The following DHRSX variants were observed in gnomAD, a reference collection of about 807,000 sequenced individuals.
DHRSX encodes dehydrogenase/reductase X-linked, also known as polyprenol dehydrogenase.
Under a neutral mutation model 34.0 loss-of-function variants are expected in DHRSX, and 31 were observed. The ratio of observed to expected loss-of-function variants is 0.91; its 90% CI spans 0.69 to 1.23. The LOEUF is 1.23. Ranked by LOEUF, DHRSX falls within the 50% of genes most tolerant of loss-of-function variation. DHRSX has a pLI of 0.00. For synonymous variants in DHRSX, 201 were observed against 183.8 expected, an observed-to-expected ratio of 1.09 and a Z score of -0.76; for missense variants, 414 against 428.1, an observed-to-expected ratio of 0.97 and a Z score of 0.29.
At chrX:2,484,365 T>C (rs1436483989) in intron 1 of DHRSX, among the ~76,000 whole-genome samples, 6 of 152,074 alleles carry the variant, frequency 3.9e-5, no homozygotes, top group Admixed American at 3.3e-4. Flanking sequence ...CTCTGACCCC[T>C]TAAAGTTGAC....
At chrX:2,453,883 G>A (rs2044260605) in intron 1 of DHRSX, among the ~76,000 whole-genome samples, 1 of 152,008 alleles carries the variant, frequency 6.6e-6, no homozygotes. Flanking sequence ...TAGCTTGATT[G>A]TTAATATGTT....
chrX:2,458,615 T>A (rs377586119), intron 1 of DHRSX, among the ~76,000 whole-genome samples: 61 of 151,910 alleles, frequency 4.0e-4, no homozygotes, highest in African/African-American at 1.5e-3. Context: ...ATAGGTAGAA[T>A]CTAAAAAAGC....
At chrX:2,474,884 A>G (rs957185650) in intron 1 of DHRSX, among the ~76,000 whole-genome samples, 3 of 149,286 alleles carry the variant, frequency 2.0e-5, no homozygotes, top group Non-Finnish European at 4.5e-5. Flanking sequence ...GTTCCCTAAG[A>G]ATGCGGCCAA....
At chrX:2,294,076 G>GAGAA in intron 3 of DHRSX, among the ~76,000 whole-genome samples, 1 of 151,940 alleles carries the variant, frequency 6.6e-6, no homozygotes, top group East Asian at 1.9e-4. Context: ...GAGAGAAAGA[G>GAGAA]AGAAAGAAAG....
intron 2 of DHRSX, among the ~76,000 whole-genome samples, chrX:2,423,920 T>C (rs1264006295): frequency 1.3e-5 from 2 of 152,198 alleles, no homozygotes; most frequent in African/African-American, 4.8e-5. Flanking sequence ...CTATAGGTCA[T>C]GGTTGCAGAA....
At chrX:2,371,804 T>A (rs2043076258) in intron 3 of DHRSX, among the ~76,000 whole-genome samples, 1 of 152,132 alleles carries the variant, frequency 6.6e-6, no homozygotes, top group Non-Finnish European at 1.5e-5. Context: ...TCTGTGGGAA[T>A]GATCTTTTCA....
chrX:2,290,396 T>C (rs1208556877), intron 4 of DHRSX, among the ~76,000 whole-genome samples: 1 of 152,184 alleles, frequency 6.6e-6, no homozygotes, highest in East Asian at 1.9e-4. Flanking sequence ...CTTACAGACA[T>C]GTCCATATCC....
intron 2 of DHRSX, among the ~76,000 whole-genome samples, chrX:2,414,295 C>T (rs1010347743): frequency 2.6e-5 from 4 of 151,966 alleles, no homozygotes; most frequent in African/African-American, 4.8e-5. Flanking sequence ...TTCATTATGA[C>T]CTAATACAAC....
chrX:2,239,396 C>A (rs2016087618), intron 6 of DHRSX, among the ~76,000 whole-genome samples: 1 of 129,124 alleles, frequency 7.7e-6, no homozygotes, highest in Non-Finnish European at 1.8e-5. Context: ...CAGCAAGATG[C>A]CGTTTCTACA....
rs757026009 is a variant in DHRSX, at chrX:2,266,666, G to A, written c.596+74C>T. Reference sequence around the variant, plus strand: ...CAGCAGATGCAGGGAGCGCCACACCGCACAGACAGAGGGAGATGAATAACC... The same window carrying A: ...CAGCAGATGCAGGGAGCGCCACACCACACAGACAGAGGGAGATGAATAACC... On this transcript the variant is annotated intron_variant, in intron 5 of 6. Transcript: ENST00000334651. 31 of 1,443,340 alleles carry A rather than the reference G, an allele frequency of 2.1e-5. No homozygotes were observed. The Admixed American group carries it at 2.2e-4, about 10-fold the overall frequency. 89.4% of individuals were successfully genotyped at this position (1,443,340 alleles called of 1,614,324 possible).
intron 3 of DHRSX, among the ~76,000 whole-genome samples, chrX:2,372,954 T>A (rs777926892): frequency 8.3e-4 from 126 of 152,172 alleles, no homozygotes; most frequent in Middle Eastern, 3.4e-3. Flanking sequence ...CGGCTCTACT[T>A]TGCATCTGTA....
intron 5 of DHRSX, among the ~76,000 whole-genome samples, chrX:2,264,716 GTGTGCCCAGAACACC>G (rs1442304029): frequency 1.5e-3 from 207 of 135,080 alleles, no homozygotes; most frequent in African/African-American, 5.3e-3. Flanking sequence ...ACAGAGAGCA[GTGTGCCCAGAACACC>G]TGTGCCCAGC....
chrX:2,359,201 A>C (rs1181335202), intron 3 of DHRSX, among the ~76,000 whole-genome samples: 2 of 152,196 alleles, frequency 1.3e-5, no homozygotes. Flanking sequence ...GCCATTCCTC[A>C]AAGACCTAAA....
intron 1 of DHRSX, chrX:2,489,307 C>T (rs1161109190): frequency 1.9e-6 from 3 of 1,613,906 alleles, no homozygotes; most frequent in Non-Finnish European, 1.7e-6. Context: ...GGAAGGTGGC[C>T]ACGTTGAGAA....
At chrX:2,234,016 G>A (rs1034986491) in intron 6 of DHRSX, among the ~76,000 whole-genome samples, 35 of 152,178 alleles carry the variant, frequency 2.3e-4, no homozygotes, top group African/African-American at 8.4e-4. Context: ...GAGAGGAGAA[G>A]GGAGCTGTTG....
intron 3 of DHRSX, among the ~76,000 whole-genome samples, chrX:2,399,523 G>A (rs186276190): frequency 3.3e-5 from 5 of 151,406 alleles, no homozygotes; most frequent in South Asian, 2.1e-4. Flanking sequence ...TGGCTAACAC[G>A]GTGAATCCCT....
intron 3 of DHRSX, among the ~76,000 whole-genome samples, chrX:2,319,502 C>T (rs1476937286): frequency 7.1e-6 from 1 of 141,340 alleles, no homozygotes; most frequent in Non-Finnish European, 1.5e-5. Flanking sequence ...GAGATCGTGC[C>T]ACTGCACTCC....
intron 3 of DHRSX, among the ~76,000 whole-genome samples, chrX:2,292,665 G>A (rs563322557): frequency 1.2e-3 from 188 of 152,106 alleles, no homozygotes; most frequent in Middle Eastern, 0.01. Context: ...GCCCTTCCAC[G>A]TTGCTGAATC....
chrX:2,408,954 C>T (rs1367110565), intron 2 of DHRSX, 141 bp from the exon 3 acceptor site: 21 of 743,378 alleles, frequency 2.8e-5, no homozygotes, highest in South Asian at 1.8e-4. Context: ...TTTATCCTAG[C>T]GTCTAACTTG....
Sources: gnomAD v4.1 joint callset for allele counts (sites outside exome capture counted in the v4.1 genomes callset) on GRCh38, gnomAD v4.1.1 for gene constraint, MANE v1.5 for transcripts, NCBI Gene and HGNC (gene_info 2026-07-23, HGNC 2026-07-21) for gene names.